Variants in FSHR observed in about 807,000 individuals in gnomAD.
The protein encoded by FSHR is follicle stimulating hormone receptor.
FSHR carries 46 observed loss-of-function variants against 52.1 expected under a neutral mutation model. The ratio of observed to expected loss-of-function variants is 0.88; its 90% CI spans 0.70 to 1.13. The LOEUF is 1.13. Among genes scored for constraint, FSHR ranks in the 50% most tolerant of loss-of-function variants. The pLI, the probability that FSHR is intolerant of heterozygous loss-of-function variation, is 0.00. For missense variants in FSHR, 964 were observed against 834.6 expected, an observed-to-expected ratio of 1.16 and a Z score of -1.91; for synonymous variants, 399 against 309.6, an observed-to-expected ratio of 1.29 and a Z score of -3.03.
At chr2:49,063,904 T>A (rs1298521816) in intron 2 of FSHR, among the ~76,000 whole-genome samples, 3 of 152,160 alleles carry the variant, frequency 2.0e-5, no homozygotes, top group Non-Finnish European at 4.4e-5. Flanking sequence ...CATTACCCAA[T>A]GTATATATGT....
intron 4 of FSHR, among the ~76,000 whole-genome samples, chr2:49,010,933 G>A (rs1441392910): frequency 6.6e-6 from 1 of 151,576 alleles, no homozygotes; most frequent in Non-Finnish European, 1.5e-5. Context: ...TTCTTTATTA[G>A]TCTTGCTAGT....
At chr2:49,108,748 G>A (rs909701633) in intron 1 of FSHR, among the ~76,000 whole-genome samples, 3 of 152,164 alleles carry the variant, frequency 2.0e-5, no homozygotes, top group Non-Finnish European at 4.4e-5. Context: ...GGAGAGGAGG[G>A]GTGAATTGTG....
At chr2:49,114,642 A>G (rs894356811) in intron 1 of FSHR, among the ~76,000 whole-genome samples, 1 of 152,170 alleles carries the variant, frequency 6.6e-6, no homozygotes, top group African/African-American at 2.4e-5. Context: ...AAAAGGGACA[A>G]TATGTGTGAA....
intron 1 of FSHR, among the ~76,000 whole-genome samples, chr2:49,132,060 G>C (rs1672297831): frequency 6.6e-6 from 1 of 152,208 alleles, no homozygotes; most frequent in South Asian, 2.1e-4. Context: ...TGCATTAAAA[G>C]AGTCTATGTG....
intron 4 of FSHR, 139 bp downstream of exon 4, chr2:49,017,350 C>T (rs981280084): frequency 3.1e-6 from 2 of 640,142 alleles, no homozygotes; most frequent in African/African-American, 3.7e-5. Flanking sequence ...CACCAAGTAT[C>T]TCTCCACCTC....
chr2:49,006,475 A>G (rs578023597), intron 4 of FSHR, among the ~76,000 whole-genome samples: 29 of 152,162 alleles, frequency 1.9e-4, no homozygotes, highest in Admixed American at 7.9e-4. Context: ...GTTGGGACTC[A>G]GTTTCTTTAC....
intron 1 of FSHR, among the ~76,000 whole-genome samples, chr2:49,102,160 AC>A (rs1439262033): frequency 6.6e-6 from 1 of 152,062 alleles, no homozygotes; most frequent in East Asian, 1.9e-4. Context: ...GATTATACAT[AC>A]CTTTTTATAT....
intron 1 of FSHR, among the ~76,000 whole-genome samples, chr2:49,069,194 C>T (rs545909855): frequency 1.3e-5 from 2 of 152,090 alleles, no homozygotes; most frequent in Non-Finnish European, 2.9e-5. Context: ...ACCCTGTATT[C>T]TCAGTTTTGA....
intron 4 of FSHR, among the ~76,000 whole-genome samples, chr2:49,002,179 T>G (rs1250292482): frequency 6.6e-6 from 1 of 152,158 alleles, no homozygotes; most frequent in African/African-American, 2.4e-5. Context: ...GTAAAAGAGC[T>G]TTCTGCATTA....
intron 2 of FSHR, among the ~76,000 whole-genome samples, chr2:49,028,649 G>T (rs1348035304): frequency 2.6e-5 from 4 of 152,224 alleles, no homozygotes; most frequent in Non-Finnish European, 5.9e-5. Context: ...TTGTAGCATT[G>T]TGAGAAGAAA....
At chr2:48,988,836 G>A in intron 6 of FSHR, 141 bp downstream of exon 6, 1 of 707,850 alleles carries the variant, frequency 1.4e-6, no homozygotes, top group Admixed American at 2.1e-5. Flanking sequence ...AAAGATGAGA[G>A]AGGAACGCAG....
intron 2 of FSHR, among the ~76,000 whole-genome samples, chr2:49,044,144 G>A (rs1480045848): frequency 6.6e-6 from 1 of 152,194 alleles, no homozygotes; most frequent in Non-Finnish European, 1.5e-5. Context: ...AAGACTGGCA[G>A]CGATGAATGG....
chr2:48,993,363 C>T (rs1255802315), intron 4 of FSHR, among the ~76,000 whole-genome samples: 1 of 152,144 alleles, frequency 6.6e-6, no homozygotes, highest in Non-Finnish European at 1.5e-5. Context: ...AATTGCTATC[C>T]ATCAATTTTA....
chr2:49,082,754 G>A (rs983883640), intron 1 of FSHR, among the ~76,000 whole-genome samples: 1 of 152,118 alleles, frequency 6.6e-6, no homozygotes, highest in Admixed American at 6.5e-5. Context: ...AGCGATGGAA[G>A]ATGAAATGAA....
At chr2:49,126,021 T>C (rs990046083) in intron 1 of FSHR, among the ~76,000 whole-genome samples, 1 of 151,972 alleles carries the variant, frequency 6.6e-6, no homozygotes. Flanking sequence ...GAAGAAAGAG[T>C]CTGGTAGGAG....
intron 4 of FSHR, 43 bp downstream of exon 4, chr2:49,017,446 C>A (rs768517310): frequency 1.4e-6 from 2 of 1,446,782 alleles, no homozygotes; most frequent in South Asian, 1.1e-5. Context: ...TAGGCTTGCA[C>A]TATTTAATCA....
At chr2:49,091,514 C>T (rs1670607275) in intron 1 of FSHR, among the ~76,000 whole-genome samples, 1 of 152,156 alleles carries the variant, frequency 6.6e-6, no homozygotes. Flanking sequence ...CCAGTCTGGT[C>T]TTCAACTCCT....
chr2:49,122,220 G>C lies in FSHR; in HGVS notation c.152+32046C>G, dbSNP rs186800692. Among the ~76,000 whole-genome samples, 301 of 152,064 alleles carry C rather than the reference G, an allele frequency of 2.0e-3. 1 individual carries two copies. The highest frequency in any genetic ancestry group is 2.3e-3 in the Non-Finnish European group (157 of 67,980). Reference sequence around the variant, plus strand: ...TTTGTACTTTCATGATGGAAAGAAAGAGCTGAAAACAGACTGACAGACCTA... The same window carrying C: ...TTTGTACTTTCATGATGGAAAGAAACAGCTGAAAACAGACTGACAGACCTA... On this transcript the variant is annotated intron_variant, in intron 1 of 9. Transcript: ENST00000406846.
At chr2:49,021,872 TATATATATATATATAGAGAGAG>T (rs1667723618) in intron 2 of FSHR, among the ~76,000 whole-genome samples, 4 of 53,286 alleles carry the variant, frequency 7.5e-5, no homozygotes, top group South Asian at 1.7e-3. Context: ...TCTATATATA[TATATATATATATATAGAGAGAG>T]AGAGAGAGAG....
Sources: gnomAD v4.1 joint callset for allele counts (sites outside exome capture counted in the v4.1 genomes callset) on GRCh38, gnomAD v4.1.1 for gene constraint, MANE v1.5 for transcripts, NCBI Gene and HGNC (gene_info 2026-07-23, HGNC 2026-07-21) for gene names.